ASXL2: variants seen among roughly 807,000 people sequenced by gnomAD.
ASXL2 encodes ASXL transcriptional regulator 2.
In ASXL2, 23 loss-of-function variants were observed where a neutral mutation model predicts 122.0. The observed-to-expected ratio is 0.19, with a 90% CI of 0.14 to 0.27. The LOEUF (loss-of-function observed/expected upper bound fraction) is 0.27, where lower values mean the gene tolerates loss of function less well. ASXL2 is among the 10% of genes least tolerant of loss of function. ASXL2 has a pLI of 1.00. For missense variants in ASXL2, 1,518 were observed against 1,713.8 expected, an observed-to-expected ratio of 0.89 and a Z score of 2.02; for synonymous variants, 650 against 637.0, an observed-to-expected ratio of 1.02 and a Z score of -0.31.
intron 5 of ASXL2, among the ~76,000 whole-genome samples, chr2:25,781,670 C>CTTTT (rs34167762): frequency 1.5e-4 from 18 of 121,728 alleles, no homozygotes; most frequent in African/African-American, 3.8e-4. Flanking sequence ...ACACACCTGG[C>CTTTT]TTTTTTTTTT....
intron 1 of ASXL2, among the ~76,000 whole-genome samples, chr2:25,864,931 G>A (rs56149017): frequency 0.011 from 1,694 of 151,058 alleles, 24 homozygotes; most frequent in Non-Finnish European, 0.019. Flanking sequence ...TCCTGGATTC[G>A]AGCGATTCTT....
intron 1 of ASXL2, among the ~76,000 whole-genome samples, chr2:25,854,640 G>T (rs1311758304): frequency 6.6e-6 from 1 of 152,150 alleles, no homozygotes; most frequent in African/African-American, 2.4e-5. Context: ...AATGATAAAA[G>T]GCAAGTACAG....
intron 2 of ASXL2, among the ~76,000 whole-genome samples, chr2:25,837,573 C>T (rs2089526302): frequency 1.3e-5 from 2 of 152,062 alleles, no homozygotes; most frequent in South Asian, 4.1e-4. Flanking sequence ...GTCTTCAGGC[C>T]AGGTACTGTG....
chr2:25,771,869 A>G (rs999890619), intron 5 of ASXL2, among the ~76,000 whole-genome samples: 7 of 152,228 alleles, frequency 4.6e-5, no homozygotes, highest in Non-Finnish European at 8.8e-5. Flanking sequence ...GACAGTATCT[A>G]TGGTCTCACA....
intron 1 of ASXL2, among the ~76,000 whole-genome samples, chr2:25,853,178 A>G (rs142475240): frequency 1.3e-5 from 2 of 152,272 alleles, no homozygotes; most frequent in Non-Finnish European, 2.9e-5. Flanking sequence ...TTCCGATTTG[A>G]TACTCAAGAA....
intron 1 of ASXL2, among the ~76,000 whole-genome samples, chr2:25,850,157 G>C (rs1326295705): frequency 6.6e-6 from 1 of 150,550 alleles, no homozygotes; most frequent in East Asian, 1.9e-4. Flanking sequence ...TATTATTGTA[G>C]TATATATCTC....
chr2:25,782,069 G>C (rs1221370189), intron 5 of ASXL2, among the ~76,000 whole-genome samples: 1 of 148,272 alleles, frequency 6.7e-6, no homozygotes, highest in East Asian at 2.0e-4. Context: ...CCCTCCCGAA[G>C]TGCTGGGACT....
At chr2:25,846,817 G>C (rs1189008208) in intron 1 of ASXL2, among the ~76,000 whole-genome samples, 1 of 152,130 alleles carries the variant, frequency 6.6e-6, no homozygotes, top group African/African-American at 2.4e-5. Context: ...CTCAAAAATA[G>C]AAATAATGTC....
chr2:25,740,856 G>A lies in ASXL2; in HGVS notation c.*1173C>T, dbSNP rs1465369891. On this transcript the variant is annotated 3_prime_UTR_variant, in exon 13 of 13. Transcript: ENST00000435504. ...GTACATACACGTATGTGTAAAGTAA[G>A]ATATAATAAGATGATGTCATCCTGT... 1 of 190,542 alleles carries A rather than the reference G, an allele frequency of 5.2e-6. No homozygotes were observed. The highest frequency in any genetic ancestry group is 2.3e-5 in the African/African-American group (1 of 42,986). 11.8% of individuals were successfully genotyped at this position (190,542 alleles called of 1,614,324 possible).
Position 25,768,818 on chromosome 2 carries a change from G to T in ASXL2, c.555C>A (p.Ser185Arg), listed in dbSNP as rs1290372374. The change falls in exon 7 of 13, where the codon AGC becomes AGA. Residue 185 changes from serine (S) to arginine (R), a missense_variant. By Grantham distance (110) the Ser-to-Arg change is moderately radical (BLOSUM62 -1). Coordinates refer to ENST00000435504, the MANE Select transcript of ASXL2 (RefSeq NM_018263.6). ...GATGCTGGTTGGAGGAGATGGATAT[G>T]CTTGGCCTGCATTGCTGCTGCTGCT... is the stretch of plus-strand genomic sequence containing the variant. Reference protein sequence around the residue: ...QKKQQQQCRPSISISSNQHLS... With the variant: ...QKKQQQQCRPRISISSNQHLS... 6.2e-7 allele frequency: 1 copy of T among 1,613,818 alleles called. No homozygotes were observed. Among genetic ancestry groups the T allele is most frequent in the South Asian group, 1.1e-5 (1 of 91,060 alleles).
At chr2:25,809,380 T>C (rs996283808) in intron 3 of ASXL2, among the ~76,000 whole-genome samples, 6 of 152,214 alleles carry the variant, frequency 3.9e-5, no homozygotes, top group Non-Finnish European at 8.8e-5. Context: ...TTTTTGTTGT[T>C]GTTTGGCTAA....
chr2:25,748,503 TA>T (rs56694749), intron 12 of ASXL2, among the ~76,000 whole-genome samples: 42,299 of 146,134 alleles, frequency 0.29, 6,139 homozygotes, highest in African/African-American at 0.34. Context: ...GAGACTCCGT[TA>T]AAAAAAAAAA....
At position 25,799,529 on chromosome 2, in the gene ASXL2, C is replaced by G; in HGVS notation, c.259G>C (p.Val87Leu). The G allele has an allele frequency of 6.2e-7, 1 of 1,610,276 alleles. No individual in the cohort carries two copies. The highest frequency in any genetic ancestry group is 8.5e-7 in the Non-Finnish European group (1 of 1,178,436). The change falls in exon 5 of 13, where the codon GTG (valine) becomes CTG (leucine). Residue 87 changes from valine to leucine, a missense_variant. Transcript: ENST00000435504. ...GACAGCTCTTTCACCCCATCCGGCA[C>G]ATCTTTCTGAAAATGTAGGCATCCA... ...RMGVYTLKKD[V>L]PDGVKELSEG... is the part of the protein sequence containing the mutation.
At chr2:25,771,386 T>TG (rs1347548697) in intron 6 of ASXL2, 54 bp downstream of exon 6, 1 of 1,494,132 alleles carries the variant, frequency 6.7e-7, no homozygotes. Flanking sequence ...GCCAGAGGTG[T>TG]GCGTTTTAAA....
intron 1 of ASXL2, among the ~76,000 whole-genome samples, chr2:25,865,367 G>A (rs970467007): frequency 4.6e-5 from 7 of 151,942 alleles, no homozygotes; most frequent in African/African-American, 1.7e-4. Flanking sequence ...AGGAGGCAGA[G>A]ATTGCAGTGA....
chr2:25,811,101 A>ACAC (rs1553701387), intron 3 of ASXL2, among the ~76,000 whole-genome samples: 2 of 67,350 alleles, frequency 3.0e-5, no homozygotes, highest in African/African-American at 4.4e-5. Flanking sequence ...CACACACACA[A>ACAC]AATCAGCCAT....
Position 25,750,392 on chromosome 2 carries a change from A to C in ASXL2, c.1164T>G (p.Asp388Glu). 1.9e-6 allele frequency: 3 copies of C among 1,607,386 alleles called. No individual in the cohort carries two copies. Among genetic ancestry groups the C allele is most frequent in the South Asian group, 1.1e-5 (1 of 89,440 alleles). ...TGGGAGAAGCTGTCAATTTCTTAGA[A>C]TCTTCAAGGCTCAGGCCAGAACTAA... ...YGQSSGLSLE[D>E]SKKLTASPSD... Residue 388 changes from aspartate to glutamate, a missense_variant, in exon 12 of 13, where the codon GAT becomes GAG. Transcript: ENST00000435504.
intron 3 of ASXL2, among the ~76,000 whole-genome samples, chr2:25,823,372 C>T (rs1472154115): frequency 6.6e-6 from 1 of 152,172 alleles, no homozygotes; most frequent in Non-Finnish European, 1.5e-5. Flanking sequence ...ATGGCTGGAA[C>T]AAATTGGCTG....
At chr2:25,804,225 A>T (rs1449048812) in intron 4 of ASXL2, among the ~76,000 whole-genome samples, 1 of 152,216 alleles carries the variant, frequency 6.6e-6, no homozygotes, top group Non-Finnish European at 1.5e-5. Flanking sequence ...CTGCAGCTCA[A>T]AGCTAAAAGG....
Sources: gnomAD v4.1 joint callset for allele counts (sites outside exome capture counted in the v4.1 genomes callset) on GRCh38, gnomAD v4.1.1 for gene constraint, MANE v1.5 for transcripts, NCBI Gene and HGNC (gene_info 2026-07-23, HGNC 2026-07-21) for gene names.